Variants in CEP63 observed in about 807,000 individuals in gnomAD.
CEP63 encodes centrosomal protein 63, also known as centrosomal protein of 63 kDa.
Under a neutral mutation model 89.1 loss-of-function variants are expected in CEP63, and 84 were observed. The observed-to-expected ratio is 0.94, with a 90% CI of 0.79 to 1.13. The LOEUF is 1.13. Ranked by LOEUF, CEP63 falls within the 50% of genes most tolerant of loss-of-function variation. The pLI is 0.00. For synonymous variants in CEP63, 267 were observed against 272.5 expected (o/e 0.98, Z 0.20); for missense variants, 838 against 813.3 (o/e 1.03, Z -0.37).
At chr3:134,716,539 C>T in the CEP63 span, among the ~76,000 whole-genome samples, 2 of 152,106 alleles carry the variant, frequency 1.3e-5, no homozygotes, top group Non-Finnish European at 2.9e-5. Flanking sequence ...TTTGGGTTGT[C>T]TAGGGTCTGT....
chr3:134,585,703 T>G (rs1359252694), intron 10 of CEP63, among the ~76,000 whole-genome samples: 3 of 152,200 alleles, frequency 2.0e-5, no homozygotes, highest in Non-Finnish European at 1.5e-5. Flanking sequence ...AGATGTCTAT[T>G]AGGTCTGCTT....
the CEP63 span, among the ~76,000 whole-genome samples, chr3:134,733,891 T>C: frequency 6.6e-6 from 1 of 151,278 alleles, no homozygotes; most frequent in African/African-American, 2.5e-5. Flanking sequence ...TTCCCTAACA[T>C]AATAAACCAT....
chr3:134,560,383 G>A (rs1482179383), intron 14 of CEP63, among the ~76,000 whole-genome samples: 1 of 152,210 alleles, frequency 6.6e-6, no homozygotes, highest in Admixed American at 6.5e-5. Context: ...AGTATGCGCA[G>A]CACTTCCACA....
At chr3:134,707,056 G>T in the CEP63 span, among the ~76,000 whole-genome samples, 1 of 152,124 alleles carries the variant, frequency 6.6e-6, no homozygotes, top group African/African-American at 2.4e-5. Context: ...AGGTACTGGG[G>T]GTTAGGACTT....
chr3:134,596,239 C>T, the CEP63 span, among the ~76,000 whole-genome samples: 109 of 152,290 alleles, frequency 7.2e-4, no homozygotes, highest in Middle Eastern at 3.4e-3. Flanking sequence ...CTGTTCACAG[C>T]CAAAGAATGC....
the CEP63 span, among the ~76,000 whole-genome samples, chr3:134,645,739 G>A: frequency 1.3e-5 from 2 of 152,160 alleles, no homozygotes; most frequent in South Asian, 2.1e-4. Flanking sequence ...AGTTCTCATG[G>A]TGGTTTTGCA....
At position 134,533,037 on chromosome 3, in the gene CEP63, G is replaced by A. The variant is rs912813666; in HGVS notation, c.441+137G>A. The A allele has an allele frequency of 9.2e-6, 8 of 868,744 alleles. No homozygotes were observed. In the African/African-American group the frequency reaches 1.3e-4, roughly 15 times the overall value. 53.8% of individuals were successfully genotyped at this position (868,744 alleles called of 1,614,324 possible). A position where few individuals can be genotyped will look rare whatever the true frequency, so the allele number is the denominator to read the frequency against. ...CCACTAAGCTATTTCAGAGGTGAGAGGGTGATCCACCATACATCCTATCAT... is the reference window on the plus strand; with the variant it reads ...CCACTAAGCTATTTCAGAGGTGAGAAGGTGATCCACCATACATCCTATCAT... On this transcript the variant is annotated intron_variant, in intron 5 of 14. Transcript: ENST00000675561.
the CEP63 span, among the ~76,000 whole-genome samples, chr3:134,642,258 G>A: frequency 5.3e-5 from 8 of 152,182 alleles, no homozygotes; most frequent in African/African-American, 1.7e-4. Context: ...ATCCTCCGGG[G>A]CCTCCAGAGT....
the CEP63 span, among the ~76,000 whole-genome samples, chr3:134,765,947 A>G: frequency 6.6e-6 from 1 of 152,352 alleles, no homozygotes; most frequent in East Asian, 1.9e-4. Context: ...TTTCCAGTAA[A>G]CACAGGGAGC....
intron 11 of CEP63, among the ~76,000 whole-genome samples, chr3:134,551,405 G>A (rs1339181964): frequency 6.6e-6 from 1 of 152,138 alleles, no homozygotes; most frequent in Non-Finnish European, 1.5e-5. Flanking sequence ...AAGGAGCAGT[G>A]AGGAGGGAAA....
chr3:134,761,057 G>A, the CEP63 span, among the ~76,000 whole-genome samples: 1 of 150,428 alleles, frequency 6.6e-6, no homozygotes, highest in Non-Finnish European at 1.5e-5. Flanking sequence ...CTTTTTTGCT[G>A]TTAGATGATA....
the CEP63 span, among the ~76,000 whole-genome samples, chr3:134,708,398 G>A: frequency 6.6e-6 from 1 of 152,258 alleles, no homozygotes; most frequent in Middle Eastern, 3.2e-3. Context: ...TTGAGGAAAT[G>A]AGCAAGAAGT....
chr3:134,507,521 C>A (rs1943766857), intron 3 of CEP63, among the ~76,000 whole-genome samples: 1 of 152,070 alleles, frequency 6.6e-6, no homozygotes, highest in Non-Finnish European at 1.5e-5. Context: ...TACATAACTT[C>A]TTTAAGAAAA....
chr3:134,702,943 T>C, the CEP63 span, among the ~76,000 whole-genome samples: 1 of 152,112 alleles, frequency 6.6e-6, no homozygotes, highest in Non-Finnish European at 1.5e-5. Context: ...GAAATATCAT[T>C]TGACCCAGCA....
chr3:134,757,592 CAG>C, the CEP63 span, among the ~76,000 whole-genome samples: 1 of 151,976 alleles, frequency 6.6e-6, no homozygotes, highest in African/African-American at 2.4e-5. Context: ...ATCCTAAAGA[CAG>C]AAAAAATGTA....
chr3:134,781,565 C>A, the CEP63 span, among the ~76,000 whole-genome samples: 5 of 151,256 alleles, frequency 3.3e-5, no homozygotes, highest in South Asian at 1.0e-3. Flanking sequence ...ACGCTCACTA[C>A]CTGGGTGATG....
intron 3 of CEP63, among the ~76,000 whole-genome samples, chr3:134,521,122 T>A (rs916830925): frequency 1.3e-5 from 2 of 152,092 alleles, no homozygotes; most frequent in Admixed American, 1.3e-4. Context: ...AGACAAATAG[T>A]CATTTCACAA....
chr3:134,609,756 T>C, the CEP63 span, among the ~76,000 whole-genome samples: 9 of 152,038 alleles, frequency 5.9e-5, no homozygotes, highest in Non-Finnish European at 1.0e-4. Context: ...TGTGATACGG[T>C]CTCACTCAGA....
At position 134,583,701 on chromosome 3, in the gene CEP63, T is replaced by C. The variant is rs543845166; in HGVS notation, c.1207-3757T>C. Among the ~76,000 whole-genome samples, 768 of 152,252 alleles carry C rather than the reference T, an allele frequency of 5.0e-3. 7 individuals are homozygous for C. Among genetic ancestry groups the C allele is most frequent in the Admixed American group, 9.4e-3 (144 of 15,292 alleles). ...TCCATATGAACTTTAGAGTATTTTT[T>C]TCCAATTCTGTGAAGAAAGTCATTG... is the stretch of plus-strand genomic sequence containing the variant. On this transcript the variant is annotated intron_variant, in intron 10 of 10. Transcript: ENST00000683931.
Sources: allele counts gnomAD v4.1 joint callset (sites outside exome capture counted in the v4.1 genomes callset), GRCh38; gene constraint gnomAD v4.1.1; transcripts MANE v1.5; gene names NCBI Gene and HGNC (gene_info 2026-07-23, HGNC 2026-07-21).